Variants in DIPK1A observed in about 807,000 individuals in gnomAD.
The protein encoded by DIPK1A is family with sequence similarity 69 member A.
DIPK1A carries 27 observed loss-of-function variants against 40.8 expected under a neutral mutation model. That is an observed-to-expected ratio of 0.66 (90% CI 0.49 to 0.91). DIPK1A has a LOEUF of 0.91. Ranked by LOEUF, DIPK1A falls within the 40% of genes least tolerant of loss-of-function variation. DIPK1A has a pLI of 0.00. For missense variants in DIPK1A, 412 were observed against 505.7 expected (o/e 0.81, Z 1.78); for synonymous variants, 166 against 171.3 (o/e 0.97, Z 0.24).
At chr1:92,836,424 G>A in intron 4 of DIPK1A, 1 of 1,590,624 alleles carries the variant, frequency 6.3e-7, no homozygotes, top group South Asian at 1.1e-5. Flanking sequence ...TTGGTGCCTG[G>A]ACCGTGGTAC....
At chr1:92,948,784 T>C (rs965818860) in intron 1 of DIPK1A, among the ~76,000 whole-genome samples, 1 of 146,740 alleles carries the variant, frequency 6.8e-6, no homozygotes, top group South Asian at 2.1e-4. Flanking sequence ...TGTGTATATA[T>C]ATATATGTGT....
chr1:92,845,773 T>C (rs1687581021), intron 4 of DIPK1A, among the ~76,000 whole-genome samples: 1 of 151,168 alleles, frequency 6.6e-6, no homozygotes, highest in African/African-American at 2.4e-5. Flanking sequence ...GAGGCAAGGT[T>C]GCAGTGAGCT....
chr1:92,872,313 G>A (rs563985108), intron 2 of DIPK1A, among the ~76,000 whole-genome samples: 23 of 151,608 alleles, frequency 1.5e-4, no homozygotes, highest in Non-Finnish European at 2.2e-4. Context: ...AACTCCTGGA[G>A]TCAAGTGATC....
intron 2 of DIPK1A, among the ~76,000 whole-genome samples, chr1:92,860,782 T>C (rs1647228497): frequency 6.6e-6 from 1 of 151,190 alleles, no homozygotes; most frequent in African/African-American, 2.4e-5. Flanking sequence ...AGACTGCATC[T>C]CAAAAAAAAG....
chr1:92,884,767 G>C lies in DIPK1A; in HGVS notation c.55-8337C>G, dbSNP rs145469022. Among the ~76,000 whole-genome samples the C allele has an allele frequency of 9.2e-5, 14 of 152,246 alleles. No homozygotes were observed. The East Asian group carries it at 2.5e-3, about 27-fold the overall frequency. ...TTTACCTAAACTTGGAGATGAGAATGCATGGTCCTTTTATACTTCAGATTC... is the reference window on the plus strand; with the variant it reads ...TTTACCTAAACTTGGAGATGAGAATCCATGGTCCTTTTATACTTCAGATTC... On this transcript the variant is annotated intron_variant, in intron 1 of 4. Transcript: ENST00000370310.
Position 92,843,530 on chromosome 1 carries a change from A to C in DIPK1A, c.1140T>G (p.Ser380Arg), listed in dbSNP as rs1961951. The change falls in exon 5 of 5, where the codon AGT becomes AGG. Residue 380 changes from serine (S) to arginine (R), a missense_variant. By Grantham distance (110) the Ser-to-Arg change is moderately radical (BLOSUM62 -1). Transcript: ENST00000370310. The stretch of plus-strand genomic sequence containing the variant: ...GCTTTTCTAATTCTTCACGAATTTC[A>C]CTTGGAGCACCACGCAGTAGGTAGT... ...LKDYLLRGAPSEIREELEKQL... is the reference protein window; with the variant it reads ...LKDYLLRGAPREIREELEKQL... The C allele has an allele frequency of 5.2e-5, 80 of 1,552,020 alleles. No individual in the cohort carries two copies. In the East Asian group the frequency reaches 2.0e-3, roughly 38 times the overall value.
intron 1 of DIPK1A, among the ~76,000 whole-genome samples, chr1:92,920,722 C>T (rs1436471427): frequency 6.6e-6 from 1 of 152,188 alleles, no homozygotes; most frequent in African/African-American, 2.4e-5. Flanking sequence ...CCAGCATCCT[C>T]CTAGGAAAAA....
intron 1 of DIPK1A, among the ~76,000 whole-genome samples, chr1:92,927,361 G>GTTTTTTT (rs1238581039): frequency 1.4e-5 from 1 of 71,562 alleles, no homozygotes; most frequent in African/African-American, 5.1e-5. Flanking sequence ...TGCCAATTTT[G>GTTTTTTT]TTGTTTTTTT....
At position 92,842,257 on chromosome 1, in the gene DIPK1A, G is replaced by GA; in HGVS notation, c.*1125dup. 1 of 989,250 alleles carries GA rather than the reference G, an allele frequency of 1.0e-6. No homozygotes were observed. 61.3% of individuals were successfully genotyped at this position (989,250 alleles called of 1,614,324 possible). ...CTGGTGCTAATCCATGGCGTTGAAG[G>GA]AAAGTTTTGAGAGAAAGCTGTCCAG... On this transcript the variant is annotated 3_prime_UTR_variant, in exon 5 of 5. Transcript: ENST00000370310.
At chr1:92,904,700 C>T (rs1340728770) in intron 1 of DIPK1A, among the ~76,000 whole-genome samples, 2 of 151,866 alleles carry the variant, frequency 1.3e-5, no homozygotes, top group Non-Finnish European at 1.5e-5. Flanking sequence ...TTTAAATGTA[C>T]AATAAATTAC....
intron 1 of DIPK1A, among the ~76,000 whole-genome samples, chr1:92,885,206 G>T (rs1383010193): frequency 1.3e-5 from 2 of 152,142 alleles, no homozygotes; most frequent in Non-Finnish European, 2.9e-5. Flanking sequence ...GACTGTGGTT[G>T]CTCAGGGAAT....
At chr1:92,900,749 C>T (rs1649379807) in intron 1 of DIPK1A, among the ~76,000 whole-genome samples, 1 of 152,094 alleles carries the variant, frequency 6.6e-6, no homozygotes, top group South Asian at 2.1e-4. Flanking sequence ...GTGTTGTGCC[C>T]TGCCCCCTAG....
intron 1 of DIPK1A, among the ~76,000 whole-genome samples, chr1:92,899,031 G>A (rs1210005111): frequency 6.6e-6 from 1 of 152,164 alleles, no homozygotes; most frequent in Admixed American, 6.6e-5. Context: ...GCCTCTCAAA[G>A]TGTTGGGATT....
rs564301851 is a variant in DIPK1A, at chr1:92,886,111, T to C, written c.55-9681A>G. On this transcript the variant is annotated intron_variant, in intron 1 of 4. Transcript: ENST00000370310. ...ACTTTGGGAGGCCAAGGTGGGTGGATTGCTTGAGTCCAGGAGTTCGAGACC... is the reference window on the plus strand; with the variant it reads ...ACTTTGGGAGGCCAAGGTGGGTGGACTGCTTGAGTCCAGGAGTTCGAGACC... 3.7e-3 allele frequency among the ~76,000 whole-genome samples: 565 copies of C among 152,140 alleles called. 6 individuals carry two copies. The highest frequency in any genetic ancestry group is 0.013 in the African/African-American group (532 of 41,508).
intron 1 of DIPK1A, among the ~76,000 whole-genome samples, chr1:92,893,414 T>G (rs1361549200): frequency 6.6e-6 from 1 of 151,586 alleles, no homozygotes; most frequent in East Asian, 1.9e-4. Flanking sequence ...GCTTCATAAG[T>G]GAAGGAGAAA....
At position 92,842,265 on chromosome 1, in the gene DIPK1A, TGAGA is replaced by T. The variant is rs913470918; in HGVS notation, c.*1114_*1117del. On this transcript the variant is annotated 3_prime_UTR_variant, in exon 5 of 5. Coordinates refer to ENST00000370310, the MANE Select transcript of DIPK1A (RefSeq NM_001006605.5). ...AATCCATGGCGTTGAAGGAAAGTTT[TGAGA>T]GAAAGCTGTCCAGTGATGGTCACAT... The T allele has an allele frequency of 7.1e-6, 7 of 989,864 alleles. No homozygotes were observed. The African/African-American group carries it at 1.2e-4, about 17-fold the overall frequency. 61.3% of individuals were successfully genotyped at this position (989,864 alleles called of 1,614,324 possible).
intron 2 of DIPK1A, among the ~76,000 whole-genome samples, chr1:92,851,936 G>A (rs1687839299): frequency 6.6e-6 from 1 of 152,140 alleles, no homozygotes; most frequent in Non-Finnish European, 1.5e-5. Context: ...GAAATAGTAA[G>A]ATAAGACAGG....
At chr1:92,844,522 G>A (rs541018086) in intron 4 of DIPK1A, among the ~76,000 whole-genome samples, 14 of 152,208 alleles carry the variant, frequency 9.2e-5, no homozygotes, top group African/African-American at 1.9e-4. Context: ...AAAAACCACC[G>A]CCTCATATGT....
chr1:92,893,478 G>A (rs1648996988), intron 1 of DIPK1A, among the ~76,000 whole-genome samples: 1 of 151,924 alleles, frequency 6.6e-6, no homozygotes, highest in Admixed American at 6.6e-5. Flanking sequence ...CATCAGGCCT[G>A]CCCTAAAAGA....
Sources: gnomAD v4.1 joint callset for allele counts (sites outside exome capture counted in the v4.1 genomes callset) on GRCh38, gnomAD v4.1.1 for gene constraint, MANE v1.5 for transcripts, NCBI Gene and HGNC (gene_info 2026-07-23, HGNC 2026-07-21) for gene names.